Variants in DOK6 observed in about 807,000 individuals in gnomAD.
DOK6 encodes docking protein 6.
DOK6 carries 22 observed loss-of-function variants against 44.0 expected under a neutral mutation model. The ratio of observed to expected loss-of-function variants is 0.50; its 90% CI spans 0.36 to 0.71. The LOEUF is 0.71. Ranked by LOEUF, DOK6 falls within the 30% of genes least tolerant of loss-of-function variation. DOK6 has a pLI of 0.00. For missense variants in DOK6, 340 were observed against 416.4 expected (o/e 0.82, Z 1.60); for synonymous variants, 166 against 145.5 (o/e 1.14, Z -1.01).
intron 1 of DOK6, among the ~76,000 whole-genome samples, chr18:69,444,170 C>A (rs1452057308): frequency 1.3e-5 from 2 of 152,062 alleles, no homozygotes; most frequent in African/African-American, 4.8e-5. Flanking sequence ...TGGCTGAGCT[C>A]ATGGAGGATC....
chr18:69,492,242 A>G (rs900977084), intron 1 of DOK6, among the ~76,000 whole-genome samples: 1 of 152,198 alleles, frequency 6.6e-6, no homozygotes, highest in African/African-American at 2.4e-5. Context: ...CACACAATTA[A>G]TTTTAAATTT....
intron 1 of DOK6, among the ~76,000 whole-genome samples, chr18:69,410,644 C>T (rs966729152): frequency 6.6e-6 from 1 of 152,122 alleles, no homozygotes; most frequent in Admixed American, 6.6e-5. Flanking sequence ...TGAGTAAATC[C>T]TTTCTGAGGA....
At chr18:69,618,211 T>C (rs1952770012) in intron 3 of DOK6, among the ~76,000 whole-genome samples, 1 of 152,180 alleles carries the variant, frequency 6.6e-6, no homozygotes, top group African/African-American at 2.4e-5. Flanking sequence ...CAGAATACAT[T>C]TCTGCTGCTT....
chr18:69,416,391 A>G (rs1190737554), intron 1 of DOK6, among the ~76,000 whole-genome samples: 1 of 152,178 alleles, frequency 6.6e-6, no homozygotes, highest in Non-Finnish European at 1.5e-5. Flanking sequence ...GACTGTATAA[A>G]TATATGAATA....
chr18:69,558,950 G>A (rs1253835980), intron 1 of DOK6, among the ~76,000 whole-genome samples: 2 of 151,956 alleles, frequency 1.3e-5, no homozygotes, highest in African/African-American at 2.4e-5. Flanking sequence ...CACCATTTTT[G>A]CAACTGTTTA....
At chr18:69,524,941 T>A (rs9989581) in intron 1 of DOK6, among the ~76,000 whole-genome samples, 53,244 of 151,548 alleles carry the variant, frequency 0.35, 9,974 homozygotes, top group Non-Finnish European at 0.42. Context: ...TGAGAAATGC[T>A]TTTTCTTTTA....
chr18:69,497,154 A>C (rs1031920557), intron 1 of DOK6, among the ~76,000 whole-genome samples: 18 of 152,216 alleles, frequency 1.2e-4, no homozygotes, highest in African/African-American at 4.3e-4. Context: ...GATTAGGGTA[A>C]ATATGTAATC....
At chr18:69,493,370 T>A (rs1199972322) in intron 1 of DOK6, among the ~76,000 whole-genome samples, 1 of 152,162 alleles carries the variant, frequency 6.6e-6, no homozygotes, top group African/African-American at 2.4e-5. Context: ...CATCCATGCA[T>A]TACAACAGTC....
intron 1 of DOK6, among the ~76,000 whole-genome samples, chr18:69,424,798 T>C (rs1224527231): frequency 1.3e-5 from 2 of 152,170 alleles, no homozygotes; most frequent in Non-Finnish European, 2.9e-5. Flanking sequence ...TGTTCCCATA[T>C]AGGTAGTCTG....
At chr18:69,785,872 T>A (rs1980413968) in intron 7 of DOK6, among the ~76,000 whole-genome samples, 1 of 152,164 alleles carries the variant, frequency 6.6e-6, no homozygotes, top group South Asian at 2.1e-4. Context: ...CAAATATGAT[T>A]AAAATGCTCT....
intron 3 of DOK6, among the ~76,000 whole-genome samples, chr18:69,634,278 A>G (rs991298700): frequency 2.6e-5 from 4 of 152,216 alleles, no homozygotes; most frequent in African/African-American, 9.6e-5. Flanking sequence ...TGAAGGTCAC[A>G]TGAAATTTTC....
chr18:69,468,916 C>T (rs1012964577), intron 1 of DOK6, among the ~76,000 whole-genome samples: 1 of 152,212 alleles, frequency 6.6e-6, no homozygotes, highest in Non-Finnish European at 1.5e-5. Context: ...AAGGAGGAAA[C>T]TGTGACACAC....
chr18:69,565,505 GTGTGTGTGTGTGTGTGTA>G lies in DOK6; in HGVS notation c.174+913_174+930del, dbSNP rs1436343700. On this transcript the variant is annotated intron_variant, in intron 2 of 7. Transcript: ENST00000382713. ...TGTGTGTGTGTGTGTGTGTGTGTGT[GTGTGTGTGTGTGTGTGTA>G]TATATATATACATAATTTTAAAAAT... is the stretch of plus-strand genomic sequence containing the variant. Among the ~76,000 whole-genome samples the G allele has an allele frequency of 8.3e-3, 135 of 16,256 alleles. 1 individual carries two copies. Among genetic ancestry groups the G allele is most frequent in the Non-Finnish European group, 0.032 (63 of 1,978 alleles). 10.7% of individuals were successfully genotyped at this position (16,256 alleles called of 152,430 possible).
At chr18:69,809,575 C>CACACACACAG (rs1302313072) in intron 7 of DOK6, among the ~76,000 whole-genome samples, 1 of 150,654 alleles carries the variant, frequency 6.6e-6, no homozygotes, top group African/African-American at 2.4e-5. Flanking sequence ...GACACACACA[C>CACACACACAG]ACACACACAC....
At chr18:69,476,512 GAA>G (rs1444866436) in intron 1 of DOK6, among the ~76,000 whole-genome samples, 246 of 152,288 alleles carry the variant, frequency 1.6e-3, no homozygotes, top group East Asian at 0.012. Context: ...GGCATTCTCA[GAA>G]GGAGGGATTA....
At chr18:69,564,841 A>G (rs1388346354) in intron 2 of DOK6, among the ~76,000 whole-genome samples, 4 of 152,158 alleles carry the variant, frequency 2.6e-5, no homozygotes. Flanking sequence ...TCATAACTCA[A>G]CCAAATCCTT....
chr18:69,537,753 A>G (rs1982161610), intron 1 of DOK6, among the ~76,000 whole-genome samples: 2 of 152,202 alleles, frequency 1.3e-5, no homozygotes. Context: ...CAAAGGTATC[A>G]TCAATAGGTA....
At chr18:69,442,695 C>T (rs900220879) in intron 1 of DOK6, among the ~76,000 whole-genome samples, 1 of 152,148 alleles carries the variant, frequency 6.6e-6, no homozygotes, top group Non-Finnish European at 1.5e-5. Context: ...TGCTACTTTA[C>T]ACATGTTGCT....
intron 4 of DOK6, among the ~76,000 whole-genome samples, chr18:69,679,540 C>A (rs1985999748): frequency 6.6e-6 from 1 of 152,170 alleles, no homozygotes; most frequent in Non-Finnish European, 1.5e-5. Context: ...TTTCTGAGAG[C>A]AGTGCTAAGC....
Sources: gnomAD v4.1 joint callset for allele counts (sites outside exome capture counted in the v4.1 genomes callset) on GRCh38, gnomAD v4.1.1 for gene constraint, MANE v1.5 for transcripts, NCBI Gene and HGNC (gene_info 2026-07-23, HGNC 2026-07-21) for gene names.